XYLB: variants seen among roughly 807,000 people sequenced by gnomAD.
XYLB encodes xylulose kinase.
Under a neutral mutation model 78.7 loss-of-function variants are expected in XYLB, and 62 were observed. The observed-to-expected ratio is 0.79, with a 90% CI of 0.64 to 0.97. The LOEUF (loss-of-function observed/expected upper bound fraction) is 0.97. Ranked by LOEUF, XYLB falls within the 50% of genes least tolerant of loss-of-function variation. The probability of loss-of-function intolerance (pLI) is 0.00; values close to 1 mark genes in which losing one functional copy is unlikely to be tolerated. For synonymous variants in XYLB, 245 were observed against 247.4 expected, an observed-to-expected ratio of 0.99 and a Z score of 0.09; for missense variants, 687 against 676.8, an observed-to-expected ratio of 1.02 and a Z score of -0.17.
intron 8 of XYLB, among the ~76,000 whole-genome samples, chr3:38,368,998 G>A (rs1188874530): frequency 2.0e-5 from 3 of 152,210 alleles, no homozygotes; most frequent in Admixed American, 2.0e-4. Context: ...GGAAAGCTGG[G>A]AGGAGGTTGC....
chr3:38,347,506 C>T (rs1399051923), intron 1 of XYLB, among the ~76,000 whole-genome samples: 3 of 151,938 alleles, frequency 2.0e-5, no homozygotes, highest in Non-Finnish European at 4.4e-5. Flanking sequence ...GGAGAAACCC[C>T]GGTCTCTACC....
At position 38,360,411 on chromosome 3, in the gene XYLB, A is replaced by G. The variant is rs199875260; in HGVS notation, c.210+3A>G. 2 of 1,584,034 alleles carry G rather than the reference A, an allele frequency of 1.3e-6. No individual in the cohort carries two copies. Among genetic ancestry groups the G allele is most frequent in the Admixed American group, 1.8e-5 (1 of 55,818 alleles). ...CTCCAGTACTAATGTGGGTCCAGGT[A>G]AGCGCAGGGATTCCTATTCTCCTTC... is the stretch of plus-strand genomic sequence containing the variant. On this transcript the variant is annotated splice_donor_region_variant and intron_variant, in intron 3 of 18. Coordinates refer to ENST00000207870, the MANE Select transcript of XYLB (RefSeq NM_005108.4).
chr3:38,361,753 C>T (rs1705986647), intron 3 of XYLB, among the ~76,000 whole-genome samples: 1 of 152,202 alleles, frequency 6.6e-6, no homozygotes, highest in Non-Finnish European at 1.5e-5. Context: ...TCTGCCAGCC[C>T]CTGCTCCGGC....
chr3:38,379,964 A>G (rs1374746679), intron 15 of XYLB, among the ~76,000 whole-genome samples: 1 of 152,192 alleles, frequency 6.6e-6, no homozygotes, highest in Non-Finnish European at 1.5e-5. Flanking sequence ...CCTGCTTGCT[A>G]GTAGGGCTCT....
At chr3:38,401,035 C>T (rs989490939) in intron 18 of XYLB, 50 bp downstream of exon 18, 12 of 1,554,148 alleles carry the variant, frequency 7.7e-6, no homozygotes, top group Middle Eastern at 3.4e-4. Flanking sequence ...TGAAAGCCCG[C>T]TAGGGTTTTT....
chr3:38,427,450 C>G, the XYLB span, among the ~76,000 whole-genome samples: 2 of 152,204 alleles, frequency 1.3e-5, no homozygotes, highest in African/African-American at 4.8e-5. Context: ...CCTTTCATTT[C>G]TGAAACTGGT....
chr3:38,406,397 A>T (rs111597125), intron 18 of XYLB, among the ~76,000 whole-genome samples: 1 of 152,220 alleles, frequency 6.6e-6, no homozygotes, highest in Non-Finnish European at 1.5e-5. Flanking sequence ...CATCACCATC[A>T]TCAGAGACCA....
At chr3:38,371,431 G>A (rs977660764) in intron 9 of XYLB, among the ~76,000 whole-genome samples, 7 of 152,244 alleles carry the variant, frequency 4.6e-5, no homozygotes, top group East Asian at 3.9e-4. Flanking sequence ...CCGCCACCAC[G>A]CCTGGCTAAT....
At chr3:38,365,467 G>C (rs1263369362) in intron 5 of XYLB, 141 bp from the exon 6 acceptor site, 2 of 1,449,126 alleles carry the variant, frequency 1.4e-6, no homozygotes, top group East Asian at 4.6e-5. Flanking sequence ...AGCACAAAGG[G>C]CTGGCCCATG....
chr3:38,381,356 C>A (rs116250088), intron 15 of XYLB, among the ~76,000 whole-genome samples: 1 of 152,074 alleles, frequency 6.6e-6, no homozygotes, highest in Non-Finnish European at 1.5e-5. Flanking sequence ...GAGGATATAT[C>A]GCCTCAGGAC....
chr3:38,347,035 C>A, intron 1 of XYLB, 110 bp downstream of exon 1: 1 of 1,149,582 alleles, frequency 8.7e-7, no homozygotes, highest in Non-Finnish European at 1.1e-6. Flanking sequence ...CGCGGGCGCG[C>A]CTACCTCTCG....
chr3:38,398,117 C>T (rs1707963068), intron 17 of XYLB, among the ~76,000 whole-genome samples: 1 of 151,744 alleles, frequency 6.6e-6, no homozygotes, highest in African/African-American at 2.4e-5. Flanking sequence ...CGCACCCGGC[C>T]TAAGCTTATG....
At chr3:38,402,036 A>G (rs576906703) in intron 18 of XYLB, among the ~76,000 whole-genome samples, 21 of 152,172 alleles carry the variant, frequency 1.4e-4, no homozygotes, top group African/African-American at 4.1e-4. Context: ...TGATGAACTC[A>G]TGGTTCATCA....
intron 18 of XYLB, among the ~76,000 whole-genome samples, chr3:38,410,393 T>C (rs1708524601): frequency 6.6e-6 from 1 of 152,270 alleles, no homozygotes; most frequent in African/African-American, 2.4e-5. Context: ...TCAAGATGGA[T>C]TAAAGACTTA....
chr3:38,346,804 C>T lies in XYLB; in HGVS notation c.-65C>T, dbSNP rs564142852. The T allele has an allele frequency of 4.5e-5, 65 of 1,434,458 alleles. No homozygotes were observed. The African/African-American group carries it at 8.9e-4, about 20-fold the overall frequency. The allele number at this position is 1,434,458 out of a possible 1,614,324, so 88.9% of individuals were successfully genotyped here. ...CCCTGCGTCTCTGGGCGCTGGAGCGCGGCGACTATCACGCCGCGTGGCGGA... is the reference window on the plus strand; with the variant it reads ...CCCTGCGTCTCTGGGCGCTGGAGCGTGGCGACTATCACGCCGCGTGGCGGA... On this transcript the variant is annotated 5_prime_UTR_variant, in exon 1 of 19. Transcript: ENST00000207870.
At chr3:38,362,698 G>T (rs575696195) in intron 3 of XYLB, among the ~76,000 whole-genome samples, 3 of 152,160 alleles carry the variant, frequency 2.0e-5, no homozygotes, top group Admixed American at 2.0e-4. Flanking sequence ...TTTGAGGATT[G>T]GTGGTTTATG....
downstream of XYLB, among the ~76,000 whole-genome samples, chr3:38,419,041 A>G (rs367882001): frequency 6.6e-6 from 1 of 152,102 alleles, no homozygotes; most frequent in Admixed American, 6.5e-5. Context: ...TCACTAAACA[A>G]TAACTCCTAT....
At chr3:38,412,220 G>A (rs1470906710) in intron 18 of XYLB, among the ~76,000 whole-genome samples, 16 of 152,014 alleles carry the variant, frequency 1.1e-4, no homozygotes, top group Admixed American at 1.0e-3. Flanking sequence ...CAAACTCCTG[G>A]CCTCAGGTGA....
At chr3:38,448,242 G>A in the XYLB span, among the ~76,000 whole-genome samples, 1 of 151,920 alleles carries the variant, frequency 6.6e-6, no homozygotes, top group Non-Finnish European at 1.5e-5. Context: ...TGAGTAGGGA[G>A]CTGGGGTGGG....
Sources: gnomAD v4.1 joint callset for allele counts (sites outside exome capture counted in the v4.1 genomes callset) on GRCh38, gnomAD v4.1.1 for gene constraint, MANE v1.5 for transcripts, NCBI Gene and HGNC (gene_info 2026-07-23, HGNC 2026-07-21) for gene names.